Variants in ARHGAP23 observed in about 807,000 individuals in gnomAD.
The protein encoded by ARHGAP23 is Rho GTPase activating protein 23.
Under a neutral mutation model 136.3 loss-of-function variants are expected in ARHGAP23, and 34 were observed. That is an observed-to-expected ratio of 0.25 (90% CI 0.19 to 0.33). The LOEUF (loss-of-function observed/expected upper bound fraction) is 0.33, where lower values mean the gene tolerates loss of function less well. ARHGAP23 is among the 10% of genes least tolerant of loss of function. The pLI is 1.00. For missense variants in ARHGAP23, 1,808 were observed against 2,139.0 expected (o/e 0.85, Z 3.05); for synonymous variants, 832 against 920.5 (o/e 0.90, Z 1.74).
At chr17:38,466,067 T>G in intron 6 of ARHGAP23, 100 bp from the exon 7 acceptor site, 1 of 841,108 alleles carries the variant, frequency 1.2e-6, no homozygotes. Flanking sequence ...GTCCTCTCCC[T>G]TCATTTCCCT....
chr17:38,470,738 T>C (rs939433262), intron 10 of ARHGAP23, among the ~76,000 whole-genome samples: 6 of 151,818 alleles, frequency 4.0e-5, no homozygotes, highest in African/African-American at 1.5e-4. Flanking sequence ...GGTTTCACCA[T>C]GTTGGCCAGA....
intron 16 of ARHGAP23, among the ~76,000 whole-genome samples, chr17:38,484,844 G>C (rs2144730287): frequency 6.6e-6 from 1 of 152,306 alleles, no homozygotes; most frequent in East Asian, 1.9e-4. Flanking sequence ...AGTGGGGGAT[G>C]AATCTAACCC....
intron 23 of ARHGAP23, among the ~76,000 whole-genome samples, chr17:38,507,693 C>T (rs925271387): frequency 2.0e-5 from 3 of 152,176 alleles, no homozygotes; most frequent in African/African-American, 7.2e-5. Flanking sequence ...CCATATGCTC[C>T]AGGCTGATCC....
At chr17:38,483,588 C>G (rs528003413) in intron 16 of ARHGAP23, among the ~76,000 whole-genome samples, 12 of 152,332 alleles carry the variant, frequency 7.9e-5, no homozygotes, top group African/African-American at 2.9e-4. Flanking sequence ...TTTGGAAAAC[C>G]GTGAACGTGG....
chr17:38,482,743 G>A (rs1464475510), intron 16 of ARHGAP23, 65 bp downstream of exon 16: 2 of 1,464,122 alleles, frequency 1.4e-6, no homozygotes, highest in East Asian at 5.0e-5. Flanking sequence ...GCTCCGCTTG[G>A]AGAGTTCTGT....
At chr17:38,461,031 C>T (rs1443668282) in intron 3 of ARHGAP23, 99 bp downstream of exon 3, 6 of 1,482,202 alleles carry the variant, frequency 4.0e-6, no homozygotes, top group Non-Finnish European at 5.4e-6. Flanking sequence ...TTTTCTGTGC[C>T]CCCCTCCCTT....
intron 10 of ARHGAP23, among the ~76,000 whole-genome samples, chr17:38,471,323 A>G (rs528100179): frequency 2.7e-4 from 41 of 152,308 alleles, no homozygotes; most frequent in Admixed American, 1.3e-4. Context: ...GCTCTGTCTC[A>G]TTGGTTGGTT....
At position 38,454,108 on chromosome 17, in the gene ARHGAP23, G is replaced by T. The variant is rs896876533; in HGVS notation, c.64-3994G>T. On this transcript the variant is annotated intron_variant, in intron 1 of 23. Coordinates refer to ENST00000622683, the MANE Select transcript of ARHGAP23 (RefSeq NM_001199417.2). The stretch of plus-strand genomic sequence containing the variant: ...CTGGCTGCCCTGCCTCAGCCACAGC[G>T]ACCGCCGCGCGCCCGGGCCGCGCCG... The T allele has an allele frequency of 3.3e-5, 5 of 151,122 alleles. No individual in the cohort carries two copies. In the South Asian group the frequency reaches 7.6e-4, roughly 23 times the overall value. The allele number at this position is 151,122 out of a possible 1,614,324, so 9.4% of individuals were successfully genotyped here.
Position 38,510,403 on chromosome 17 carries a change from C to T in ARHGAP23, c.3907C>T (p.Arg1303Cys). ...CGCGGGGCCTGGGGGGCGCCTGACA[C>T]GCCGGCCGTCCTTCAGCTCGCACCA... ...AGAGPGGRLTRRPSFSSHHLM... is the reference protein window; with the variant it reads ...AGAGPGGRLTCRPSFSSHHLM... Residue 1303 changes from arginine (R) to cysteine (C), a missense_variant, in exon 24 of 24, where the codon CGC becomes TGC. Arg to Cys is a radical substitution (Grantham distance 180). This residue lies in a region of ARHGAP23 where 506 missense variants were observed against 455.8 expected (regional missense o/e 1.11). Coordinates refer to ENST00000622683, the MANE Select transcript of ARHGAP23 (RefSeq NM_001199417.2). This position sits in a 1 kb window ranked among gnomAD's most constrained non-coding sequence, Gnocchi z 4.6. The T allele has an allele frequency of 8.1e-7, 1 of 1,239,506 alleles. No homozygotes were observed. Among genetic ancestry groups the T allele is most frequent in the Non-Finnish European group, 1.0e-6 (1 of 992,912 alleles). 76.8% of individuals were successfully genotyped at this position (1,239,506 alleles called of 1,614,324 possible).
Position 38,509,978 on chromosome 17 carries a change from G to A in ARHGAP23, c.3482G>A (p.Arg1161Gln), listed in dbSNP as rs1322325496. 1.6e-6 allele frequency: 2 copies of A among 1,250,370 alleles called. No individual in the cohort carries two copies. Among genetic ancestry groups the A allele is most frequent in the Non-Finnish European group, 2.0e-6 (2 of 992,538 alleles). 77.5% of individuals were successfully genotyped at this position (1,250,370 alleles called of 1,614,324 possible). A position where few individuals can be genotyped will look rare whatever the true frequency, so the allele number is the denominator to read the frequency against. ...SWAPKKEPYA[R>Q]EMLAISFISA... The stretch of plus-strand genomic sequence containing the variant: ...GCCCCCAAGAAGGAGCCGTACGCCC[G>A]GGAGATGCTGGCGATCTCCTTCATC... Residue 1161 changes from arginine (R) to glutamine (Q), a missense_variant, in exon 24 of 24, where the codon CGG (arginine) becomes CAG (glutamine). Arg to Gln is a conservative substitution (Grantham distance 43). Coordinates refer to ENST00000622683, the MANE Select transcript of ARHGAP23 (RefSeq NM_001199417.2).
intron 10 of ARHGAP23, 68 bp from the exon 11 acceptor site, chr17:38,471,795 C>T: frequency 1.4e-6 from 2 of 1,457,500 alleles, no homozygotes; most frequent in Non-Finnish European, 1.9e-6. Flanking sequence ...CACAAGTGGT[C>T]CATGGGGTTC....
chr17:38,480,024 G>A, intron 14 of ARHGAP23, 141 bp downstream of exon 14: 2 of 1,254,708 alleles, frequency 1.6e-6, no homozygotes, highest in Admixed American at 4.7e-5. Context: ...CTGTCTGCGT[G>A]TGCATGCCTG....
At chr17:38,497,732 G>A (rs1194130480) in intron 20 of ARHGAP23, 53 bp from the exon 21 acceptor site, 31 of 1,527,058 alleles carry the variant, frequency 2.0e-5, no homozygotes, top group Non-Finnish European at 2.5e-5. Context: ...GCAGGTGGAA[G>A]AGACTCTTCT....
chr17:38,509,878 G>A (rs1157660238), intron 23 of ARHGAP23, 66 bp from the exon 24 acceptor site: 2 of 1,181,676 alleles, frequency 1.7e-6, no homozygotes, highest in Non-Finnish European at 1.1e-6. Flanking sequence ...GGTGGACCGG[G>A]TAGAGCGGGG....
intron 2 of ARHGAP23, among the ~76,000 whole-genome samples, chr17:38,459,502 G>T: frequency 6.6e-6 from 1 of 152,116 alleles, no homozygotes; most frequent in East Asian, 1.9e-4. Flanking sequence ...TCATGCCCAA[G>T]GACACCAGCC....
chr17:38,436,014 C>T (rs996023440), intron 1 of ARHGAP23, among the ~76,000 whole-genome samples: 1 of 152,190 alleles, frequency 6.6e-6, no homozygotes, highest in Non-Finnish European at 1.5e-5. Context: ...AGGCTGTCTG[C>T]GCACTGTTAT....
chr17:38,423,529 G>C (rs750805996), upstream of ARHGAP23, among the ~76,000 whole-genome samples: 1 of 151,912 alleles, frequency 6.6e-6, no homozygotes, highest in Non-Finnish European at 1.5e-5. Flanking sequence ...ACACCACCAC[G>C]CCTGGCTAAG....
Position 38,510,592 on chromosome 17 carries a change from C to A in ARHGAP23, c.4096C>A (p.Pro1366Thr). The A allele has an allele frequency of 1.6e-6, 2 of 1,281,692 alleles. No homozygotes were observed. Among genetic ancestry groups the A allele is most frequent in the Non-Finnish European group, 9.8e-7 (1 of 1,017,366 alleles). 79.4% of individuals were successfully genotyped at this position (1,281,692 alleles called of 1,614,324 possible). Residue 1366 changes from proline to threonine, a missense_variant, in exon 24 of 24, where the codon CCC becomes ACC. Physicochemically the swap from Pro to Thr is conservative, Grantham distance 38. Coordinates refer to ENST00000622683, the MANE Select transcript of ARHGAP23 (RefSeq NM_001199417.2). This position sits in a 1 kb window ranked among gnomAD's most constrained non-coding sequence, Gnocchi z 4.6. ...CCCGGCGGCGGCGCTGGCCTCCCGG[C>A]CCTCGCGCATGGAGGCGCTGCGTCT... Reference protein sequence around the residue: ...RPPAAALASRPSRMEALRLRL... With the variant: ...RPPAAALASRTSRMEALRLRL...
chr17:38,457,364 T>G (rs12051906), intron 1 of ARHGAP23: 41,705 of 152,976 alleles, frequency 0.27, 6,002 homozygotes, highest in East Asian at 0.42. Context: ...CTCCCTCTTG[T>G]TTCTTGGTTC....
Sources: allele counts gnomAD v4.1 joint callset (sites outside exome capture counted in the v4.1 genomes callset), GRCh38; gene constraint gnomAD v4.1.1; regional missense constraint gnomAD v4.1.1; non-coding constraint Gnocchi (gnomAD v3.1); transcripts MANE v1.5; gene names NCBI Gene and HGNC (gene_info 2026-07-23, HGNC 2026-07-21).